Variants in SKI observed in about 807,000 individuals in gnomAD.
The protein encoded by SKI is ski oncogene.
A neutral mutation model predicts 59.3 loss-of-function variants in SKI; 23 were observed. That is an observed-to-expected ratio of 0.39 (90% confidence interval 0.28 to 0.55). The LOEUF (loss-of-function observed/expected upper bound fraction) is 0.55. Ranked by LOEUF, SKI falls within the 20% of genes least tolerant of loss-of-function variation. SKI has a pLI of 0.67. For missense variants in SKI, 1,017 were observed against 1,038.9 expected (o/e 0.98, Z 0.29); for synonymous variants, 673 against 488.6 (o/e 1.38, Z -4.98).
At chr1:2,258,189 TGTG>T (rs1412528543) in intron 1 of SKI, among the ~76,000 whole-genome samples, 1 of 152,254 alleles carries the variant, frequency 6.6e-6, no homozygotes, top group African/African-American at 2.4e-5. Flanking sequence ...TGTCTTGGAA[TGTG>T]GTGTTTTATC....
intron 1 of SKI, among the ~76,000 whole-genome samples, chr1:2,238,141 G>A (rs1026449901): frequency 6.6e-6 from 1 of 152,228 alleles, no homozygotes; most frequent in African/African-American, 2.4e-5. Flanking sequence ...GGCCCTGGGA[G>A]GTCTGTCTGA....
At chr1:2,251,089 G>A (rs770215810) in intron 1 of SKI, among the ~76,000 whole-genome samples, 5 of 152,200 alleles carry the variant, frequency 3.3e-5, no homozygotes, top group Non-Finnish European at 5.9e-5. Flanking sequence ...GGATGGGGAC[G>A]TGGGGCACTG....
chr1:2,244,988 A>G (rs761862627), intron 1 of SKI, among the ~76,000 whole-genome samples: 1 of 152,226 alleles, frequency 6.6e-6, no homozygotes, highest in Non-Finnish European at 1.5e-5. Context: ...AATAATATAT[A>G]CGCACCTAAC....
chr1:2,284,265 T>C (rs1416323354), intron 1 of SKI, among the ~76,000 whole-genome samples: 1 of 152,082 alleles, frequency 6.6e-6, no homozygotes, highest in Non-Finnish European at 1.5e-5. Flanking sequence ...AGATCCCTGA[T>C]CCCTGGACCC....
rs555047222 is a variant in SKI, at chr1:2,266,041, ATCC to A, written c.969+36308_969+36310del. 3.7e-4 allele frequency among the ~76,000 whole-genome samples: 56 copies of A among 152,182 alleles called. No homozygotes were observed. The South Asian group carries it at 7.5e-3, about 20-fold the overall frequency. The stretch of plus-strand genomic sequence containing the variant: ...CGTTCAGTTATTTGGAGGCAGCTTG[ATCC>A]TTTTGAGTCTTGCTTTTGTGATTTT... On this transcript the variant is annotated intron_variant, in intron 1 of 6. Transcript: ENST00000378536.
At chr1:2,231,278 G>T (rs551926887) in intron 1 of SKI, among the ~76,000 whole-genome samples, 43 of 152,250 alleles carry the variant, frequency 2.8e-4, no homozygotes, top group African/African-American at 9.9e-4. Flanking sequence ...TGTGGCCAAG[G>T]CCTGAGCTGC....
chr1:2,258,630 C>T (rs140127709), intron 1 of SKI, among the ~76,000 whole-genome samples: 1 of 151,852 alleles, frequency 6.6e-6, no homozygotes, highest in African/African-American at 2.4e-5. Flanking sequence ...TCTTGGCTCA[C>T]TGCAACCTCT....
intron 1 of SKI, among the ~76,000 whole-genome samples, chr1:2,256,269 C>A (rs1639273547): frequency 6.6e-6 from 1 of 152,150 alleles, no homozygotes; most frequent in Admixed American, 6.5e-5. Context: ...CTGTCTGGAG[C>A]TCTCTGTGTC....
intron 1 of SKI, among the ~76,000 whole-genome samples, chr1:2,233,599 G>A (rs1417197695): frequency 2.0e-5 from 3 of 152,072 alleles, no homozygotes; most frequent in African/African-American, 7.2e-5. Flanking sequence ...GGGGTTTTCT[G>A]ATCCCTCATG....
intron 1 of SKI, among the ~76,000 whole-genome samples, chr1:2,279,862 A>T (rs1639833972): frequency 6.6e-6 from 1 of 152,136 alleles, no homozygotes; most frequent in Admixed American, 6.5e-5. Flanking sequence ...CCTCTTCCTA[A>T]GTTTACACCA....
intron 1 of SKI, among the ~76,000 whole-genome samples, chr1:2,296,719 G>A (rs894813531): frequency 1.3e-5 from 2 of 152,016 alleles, no homozygotes; most frequent in African/African-American, 2.4e-5. Context: ...GCACAAAGAC[G>A]TCGTGATTGT....
At chr1:2,306,353 C>G in intron 6 of SKI, 103 bp downstream of exon 6, 2 of 1,197,522 alleles carry the variant, frequency 1.7e-6, no homozygotes, top group Admixed American at 5.3e-5. Context: ...GGAGCAGAAG[C>G]CAGGCCCGGG....
At chr1:2,248,691 C>A (rs1328626418) in intron 1 of SKI, among the ~76,000 whole-genome samples, 1 of 152,258 alleles carries the variant, frequency 6.6e-6, no homozygotes, top group Admixed American at 6.5e-5. Flanking sequence ...AAGTGAAAGT[C>A]ACTGCAGCTG....
At chr1:2,264,953 G>GTGT (rs1639468672) in intron 1 of SKI, among the ~76,000 whole-genome samples, 1 of 152,024 alleles carries the variant, frequency 6.6e-6, no homozygotes, top group African/African-American at 2.4e-5. Context: ...TGGGATTACA[G>GTGT]GCACCCGCCA....
Position 2,308,481 on chromosome 1 carries a change from C to T in SKI, c.*1716C>T, listed in dbSNP as rs1476170413. The T allele has an allele frequency of 1.3e-5, 2 of 152,232 alleles. No individual in the cohort carries two copies. The highest frequency in any genetic ancestry group is 2.9e-5 in the Non-Finnish European group (2 of 68,050). The allele number at this position is 152,232 out of a possible 1,614,324, so 9.4% of individuals were successfully genotyped here. A position where few individuals can be genotyped will look rare whatever the true frequency, so the allele number is the denominator to read the frequency against. ...GTTTTCTTTGCGGTTGTTCTGTGTGCATGGATTCCACACCTCTGCCGTAGG... is the reference window on the plus strand; with the variant it reads ...GTTTTCTTTGCGGTTGTTCTGTGTGTATGGATTCCACACCTCTGCCGTAGG... On this transcript the variant is annotated 3_prime_UTR_variant, in exon 7 of 7. Transcript: ENST00000378536.
At chr1:2,262,936 T>C (rs1639419155) in intron 1 of SKI, among the ~76,000 whole-genome samples, 1 of 152,172 alleles carries the variant, frequency 6.6e-6, no homozygotes, top group African/African-American at 2.4e-5. Flanking sequence ...AGTCTTGCTC[T>C]GCACCCAGGC....
intron 1 of SKI, among the ~76,000 whole-genome samples, chr1:2,301,520 G>A (rs1013026311): frequency 3.3e-5 from 5 of 152,102 alleles, no homozygotes; most frequent in African/African-American, 7.2e-5. Context: ...GTGGGTGCAC[G>A]TGCTGCAGGG....
chr1:2,263,466 A>G (rs1358707165), intron 1 of SKI, among the ~76,000 whole-genome samples: 1 of 149,534 alleles, frequency 6.7e-6, no homozygotes, highest in Non-Finnish European at 1.5e-5. Context: ...TGAACTTCTG[A>G]TATTAGGTGA....
intron 1 of SKI, among the ~76,000 whole-genome samples, chr1:2,243,162 T>C (rs1317881224): frequency 1.3e-5 from 2 of 152,234 alleles, no homozygotes; most frequent in Non-Finnish European, 2.9e-5. Context: ...TCCGTTGGTA[T>C]TGAGAGTCTG....
Sources: allele counts gnomAD v4.1 joint callset (sites outside exome capture counted in the v4.1 genomes callset), GRCh38; gene constraint gnomAD v4.1.1; transcripts MANE v1.5; gene names NCBI Gene and HGNC (gene_info 2026-07-23, HGNC 2026-07-21).